The following LRP1 variants were observed in gnomAD, a reference collection of about 807,000 sequenced individuals.
LRP1 encodes the protein prolow-density lipoprotein receptor-related protein 1.
A neutral mutation model predicts 541.5 loss-of-function variants in LRP1; 51 were observed. The ratio of observed to expected loss-of-function variants is 0.09; its 90% CI spans 0.08 to 0.12. The LOEUF is 0.12. Among genes scored for constraint, LRP1 ranks in the 10% least tolerant of loss-of-function variants. LRP1 has a pLI of 1.00. For synonymous variants in LRP1, 2,219 were observed against 2,470.8 expected, an observed-to-expected ratio of 0.90 and a Z score of 3.02; for missense variants, 3,878 against 6,376.2, an observed-to-expected ratio of 0.61 and a Z score of 13.34.
At chr12:57,175,355 A>G in intron 22 of LRP1, 105 bp from the exon 23 acceptor site, 1 of 1,366,822 alleles carries the variant, frequency 7.3e-7, no homozygotes, top group South Asian at 1.2e-5. Flanking sequence ...GCAGGGCACA[A>G]GGACTTGGTC....
At chr12:57,186,283 C>T (rs1264029689) in intron 41 of LRP1, among the ~76,000 whole-genome samples, 1 of 152,214 alleles carries the variant, frequency 6.6e-6, no homozygotes, top group Non-Finnish European at 1.5e-5. Context: ...GGATGAGTGT[C>T]TCATCTGAGA....
intron 1 of LRP1, chr12:57,132,263 C>T (rs184635542): frequency 2.0e-5 from 3 of 152,258 alleles, no homozygotes; most frequent in African/African-American, 7.2e-5. Context: ...TAAACCCTCC[C>T]TGGGAAAGAG....
intron 10 of LRP1, 140 bp downstream of exon 10, chr12:57,157,060 A>G: frequency 4.5e-6 from 5 of 1,101,046 alleles, no homozygotes; most frequent in Non-Finnish European, 6.1e-6. Flanking sequence ...TAGTGAGGGC[A>G]GAGATGGGAC....
Position 57,204,593 on chromosome 12 carries a change from T to A in LRP1, c.11072-34T>A. 1 of 1,612,436 alleles carries A rather than the reference T, an allele frequency of 6.2e-7. No individual in the cohort carries two copies. ...CAGCAACCACCCCCACTCCCAAGAC[T>A]AATTCTGGCTCTGTGTCCCCCTGGC... On this transcript the variant is annotated intron_variant, in intron 71 of 88. Coordinates refer to ENST00000243077, the MANE Select transcript of LRP1 (RefSeq NM_002332.3). This position sits in a 1 kb window ranked among gnomAD's most constrained non-coding sequence, Gnocchi z 5.3.
At chr12:57,137,317 G>A (rs989593058) in intron 1 of LRP1, among the ~76,000 whole-genome samples, 2 of 152,032 alleles carry the variant, frequency 1.3e-5, no homozygotes, top group African/African-American at 4.8e-5. Context: ...AAGAGAATGG[G>A]GTAGGAGTGG....
Position 57,156,029 on chromosome 12 carries a change from A to G in LRP1, c.1228-65A>G. 3.0e-6 allele frequency: 4 copies of G among 1,316,796 alleles called. No homozygotes were observed. Among genetic ancestry groups the G allele is most frequent in the Middle Eastern group, 1.9e-4 (1 of 5,372 alleles). 81.6% of individuals were successfully genotyped at this position (1,316,796 alleles called of 1,614,324 possible). A position where few individuals can be genotyped will look rare whatever the true frequency, so the allele number is the denominator to read the frequency against. On this transcript the variant is annotated intron_variant, in intron 8 of 88. Coordinates refer to ENST00000243077, the MANE Select transcript of LRP1 (RefSeq NM_002332.3). The surrounding 1 kb of genome is among the most constrained non-coding windows in gnomAD (Gnocchi z 5.2). ...ATGAAGTCTGGAGGAAGCTGAGGGG[A>G]TCTCCAGGACAGAGGGAGGAACCCC...
intron 1 of LRP1, among the ~76,000 whole-genome samples, chr12:57,134,899 G>T (rs985988563): frequency 9.9e-5 from 15 of 152,124 alleles, no homozygotes; most frequent in Admixed American, 6.5e-5. Flanking sequence ...TAGAGACGGG[G>T]TTTCACCGCG....
At position 57,177,057 on chromosome 12, in the gene LRP1, G is replaced by C. The variant is rs533098207; in HGVS notation, c.4008G>C (p.Glu1336Asp). ...CTTCTCCAGCCCTGACTAGTTTCGAGGTGGTGATTCAGTATGGCCTGGCCA... is the reference window on the plus strand; with the variant it reads ...CTTCTCCAGCCCTGACTAGTTTCGACGTGGTGATTCAGTATGGCCTGGCCA... ...LLDNGALTSF[E>D]VVIQYGLATP... The change falls in exon 25 of 89, where the codon GAG (glutamate) becomes GAC (aspartate). Residue 1336 changes from glutamate (E) to aspartate (D), a missense_variant. Around this residue, in one of 13 missense-constraint regions of LRP1, gnomAD observed 320 missense variants for 547.9 expected, o/e 0.58. Transcript: ENST00000243077. The surrounding 1 kb of genome is among the most constrained non-coding windows in gnomAD (Gnocchi z 6.8). 7 of 1,614,090 alleles carry C rather than the reference G, an allele frequency of 4.3e-6. No homozygotes were observed. The South Asian group carries it at 7.7e-5, about 18-fold the overall frequency.
chr12:57,183,240 T>G lies in LRP1; in HGVS notation c.5663-139T>G. 7.4e-6 allele frequency: 7 copies of G among 941,198 alleles called. No homozygotes were observed. The highest frequency in any genetic ancestry group is 9.5e-6 in the Non-Finnish European group (6 of 632,506). 58.3% of individuals were successfully genotyped at this position (941,198 alleles called of 1,614,324 possible). On this transcript the variant is annotated intron_variant, in intron 34 of 88. Coordinates refer to ENST00000243077, the MANE Select transcript of LRP1 (RefSeq NM_002332.3). This position sits in a 1 kb window ranked among gnomAD's most constrained non-coding sequence, Gnocchi z 6.1. ...CATGCTCTGGCCTCAGGCTAGGGTG[T>G]GTGTGCTGGGTGGAGGATAGGGATG...
chr12:57,199,309 C>G lies in LRP1; in HGVS notation c.9774C>G (p.His3258Gln), dbSNP rs1565750061. Residue 3258 changes from histidine (H) to glutamine (Q), a missense_variant, in exon 61 of 89, where the codon CAC (histidine) becomes CAG (glutamine). Transcript: ENST00000243077. ...AAACAAAGTCCATTAACCGAGCCCA[C>G]AAGACCACGGGCACCAACAAAACGC... is the stretch of plus-strand genomic sequence containing the variant. ...DWETKSINRA[H>Q]KTTGTNKTLL... 6.2e-7 allele frequency: 1 copy of G among 1,613,890 alleles called. No individual in the cohort carries two copies. Among genetic ancestry groups the G allele is most frequent in the Non-Finnish European group, 8.5e-7 (1 of 1,179,992 alleles).
At chr12:57,160,455 C>T (rs1033705701) in intron 12 of LRP1, among the ~76,000 whole-genome samples, 1 of 152,158 alleles carries the variant, frequency 6.6e-6, no homozygotes, top group Non-Finnish European at 1.5e-5. Flanking sequence ...AGATATTTGC[C>T]GGACTGGCTT....
chr12:57,199,213 G>A lies in LRP1; in HGVS notation c.9678G>A (p.Val3226=), dbSNP rs1271876034. Residue 3226 remains valine, a splice_region_variant and synonymous_variant, in exon 61 of 89, where the codon GTG becomes GTA. Transcript: ENST00000243077. ...ASLDGSNRHV[V]LSQDIPHIFA... ...TGTGCCTGCCCCTTGGCCCTGCAGT[G>A]CTGAGCCAGGACATCCCGCACATCT... The A allele has an allele frequency of 6.2e-7, 1 of 1,613,016 alleles. No homozygotes were observed. Among genetic ancestry groups the A allele is most frequent in the Admixed American group, 1.7e-5 (1 of 60,020 alleles).
Position 57,184,564 on chromosome 12 carries a change from T to C in LRP1, c.6186+112T>C, listed in dbSNP as rs2036231358. ...TTGGAGCCCAGGGGAAGTCACAGGG[T>C]CTCCCAGCCCAGCCCTCCACCCAGA... On this transcript the variant is annotated intron_variant, in intron 38 of 88. Coordinates refer to ENST00000243077, the MANE Select transcript of LRP1 (RefSeq NM_002332.3). The surrounding 1 kb of genome is among the most constrained non-coding windows in gnomAD (Gnocchi z 7.8). 1.4e-6 allele frequency: 2 copies of C among 1,453,420 alleles called. No homozygotes were observed. Among genetic ancestry groups the C allele is most frequent in the Non-Finnish European group, 1.9e-6 (2 of 1,076,890 alleles). 90.0% of individuals were successfully genotyped at this position (1,453,420 alleles called of 1,614,324 possible).
intron 45 of LRP1, 83 bp from the exon 46 acceptor site, chr12:57,193,093 G>T: frequency 6.3e-7 from 1 of 1,585,024 alleles, no homozygotes; most frequent in South Asian, 1.1e-5. Flanking sequence ...CGCTGATGAT[G>T]ACCTCAGCTC....
chr12:57,198,065 A>C, intron 58 of LRP1, 91 bp from the exon 59 acceptor site: 1 of 1,146,428 alleles, frequency 8.7e-7, no homozygotes, highest in Non-Finnish European at 1.2e-6. Flanking sequence ...GCTCTACCCC[A>C]TTTTACACGA....
chr12:57,196,020 G>A lies in LRP1; in HGVS notation c.8701+17G>A, dbSNP rs1031334050. 6.2e-7 allele frequency: 1 copy of A among 1,612,166 alleles called. No individual in the cohort carries two copies. The highest frequency in any genetic ancestry group is 8.5e-7 in the Non-Finnish European group (1 of 1,179,856). ...CCAGCCAAGGTGGGCCCCAGACCTG[G>A]CTCCCCTCTGCCCCCTCCCCAGACT... On this transcript the variant is annotated intron_variant, in intron 54 of 88. Transcript: ENST00000243077.
In LRP1 at chr12:57,178,322, C is replaced by G; in HGVS notation, c.4362-37C>G. The stretch of plus-strand genomic sequence containing the variant: ...GGCAGAGCTCTGAGGGCTGAGATCC[C>G]AGCTGGCATCCTCATTCTGCTCCAT... On this transcript the variant is annotated intron_variant, in intron 26 of 88. Coordinates refer to ENST00000243077, the MANE Select transcript of LRP1 (RefSeq NM_002332.3). This position sits in a 1 kb window ranked among gnomAD's most constrained non-coding sequence, Gnocchi z 5.8. 6 of 1,591,576 alleles carry G rather than the reference C, an allele frequency of 3.8e-6. No individual in the cohort carries two copies. Among genetic ancestry groups the G allele is most frequent in the Non-Finnish European group, 5.1e-6 (6 of 1,166,644 alleles).
Position 57,210,751 on chromosome 12 carries a change from C to T in LRP1, c.12788C>T (p.Thr4263Met), listed in dbSNP as rs868280822. Reference sequence around the variant, plus strand: ...ACGTGCCGGTGCCCCACGGGCTTCACGGGCCCCAAATGCACCCAGCAGGTG... The same window carrying T: ...ACGTGCCGGTGCCCCACGGGCTTCATGGGCCCCAAATGCACCCAGCAGGTG... ...MPTCRCPTGF[T>M]GPKCTQQVCA... The change falls in exon 83 of 89, where the codon ACG becomes ATG. Residue 4263 changes from threonine to methionine, a missense_variant. Physicochemically the swap from Thr to Met is moderately conservative, Grantham distance 81. This residue lies in a region of LRP1 where 871 missense variants were observed against 1,212.4 expected (regional missense o/e 0.72). Coordinates refer to ENST00000243077, the MANE Select transcript of LRP1 (RefSeq NM_002332.3). The T allele has an allele frequency of 9.9e-6, 16 of 1,611,608 alleles. No individual in the cohort carries two copies. Among genetic ancestry groups the T allele is most frequent in the Middle Eastern group, 1.6e-4 (1 of 6,078 alleles).
chr12:57,207,734 C>G (rs1166430933), intron 76 of LRP1, among the ~76,000 whole-genome samples: 1 of 152,224 alleles, frequency 6.6e-6, no homozygotes, highest in Non-Finnish European at 1.5e-5. Flanking sequence ...CGGCACCAAT[C>G]CCCCATCCTT....
Sources: allele counts gnomAD v4.1 joint callset (sites outside exome capture counted in the v4.1 genomes callset), GRCh38; gene constraint gnomAD v4.1.1; regional missense constraint gnomAD v4.1.1; non-coding constraint Gnocchi (gnomAD v3.1); transcripts MANE v1.5; gene names NCBI Gene and HGNC (gene_info 2026-07-23, HGNC 2026-07-21).